Variants in ZZEF1 observed in about 807,000 individuals in gnomAD.
ZZEF1 encodes zinc finger ZZ-type and EF-hand domain containing 1, also known as zinc finger ZZ-type and EF-hand domain-containing protein 1.
A neutral mutation model predicts 342.8 loss-of-function variants in ZZEF1; 157 were observed. The ratio of observed to expected loss-of-function variants is 0.46; its 90% confidence interval spans 0.40 to 0.52. ZZEF1 has a LOEUF of 0.52. Ranked by LOEUF, ZZEF1 falls within the 20% of genes least tolerant of loss-of-function variation. ZZEF1 has a pLI of 0.00. For synonymous variants in ZZEF1, 1,505 were observed against 1,429.1 expected (o/e 1.05, Z -1.20); for missense variants, 3,480 against 3,725.6 (o/e 0.93, Z 1.72).
At chr17:4,052,578 A>T (rs1277050129) in intron 34 of ZZEF1, among the ~76,000 whole-genome samples, 2 of 152,224 alleles carry the variant, frequency 1.3e-5, no homozygotes, top group East Asian at 1.9e-4. Context: ...TTAAAAAATT[A>T]AAAAAGGGCC....
At chr17:4,092,648 C>G (rs1386334664) in intron 11 of ZZEF1, among the ~76,000 whole-genome samples, 1 of 152,078 alleles carries the variant, frequency 6.6e-6, no homozygotes, top group Admixed American at 6.6e-5. Flanking sequence ...TGGCATAAAC[C>G]TTTCATGACA....
chr17:4,011,662 T>C (rs149208504), intron 52 of ZZEF1, among the ~76,000 whole-genome samples: 2,436 of 152,218 alleles, frequency 0.016, 31 homozygotes, highest in Non-Finnish European at 0.023. Flanking sequence ...ACTTGTTATA[T>C]GGCCATATAT....
chr17:4,084,893 ACTT>A (rs758298073), intron 16 of ZZEF1, among the ~76,000 whole-genome samples: 1 of 152,148 alleles, frequency 6.6e-6, no homozygotes, highest in Non-Finnish European at 1.5e-5. Flanking sequence ...TGGGCCAATC[ACTT>A]GAGCCTTGGG....
chr17:4,064,542 C>T lies in ZZEF1; in HGVS notation c.4537G>A (p.Ala1513Thr), dbSNP rs764564516. ...GTGGAAGGTGACAAGGGCTCTTCAG[C>T]TGTGGCAGGGGACACGTCTGCAGCA... ...LPAADVSPAT[A>T]EEPLSPSTPT... Residue 1513 changes from alanine (A) to threonine (T), a missense_variant, in exon 29 of 55, where the codon GCT (alanine) becomes ACT (threonine). This residue lies in a region of ZZEF1 where 1,528 missense variants were observed against 1,624.1 expected (regional missense o/e 0.94). Transcript: ENST00000381638. The T allele has an allele frequency of 6.2e-7, 1 of 1,614,202 alleles. No individual in the cohort carries two copies. Among genetic ancestry groups the T allele is most frequent in the Non-Finnish European group, 8.5e-7 (1 of 1,180,044 alleles).
chr17:4,013,161 C>T (rs531407804), intron 52 of ZZEF1, among the ~76,000 whole-genome samples: 22 of 151,942 alleles, frequency 1.4e-4, no homozygotes, highest in Middle Eastern at 3.2e-3. Flanking sequence ...ATGCTTACCC[C>T]TTCTATCATA....
intron 8 of ZZEF1, among the ~76,000 whole-genome samples, chr17:4,103,264 G>C (rs1377896448): frequency 6.6e-6 from 1 of 152,172 alleles, no homozygotes; most frequent in Non-Finnish European, 1.5e-5. Context: ...TAAACAGGCT[G>C]GGCATCATGG....
intron 37 of ZZEF1, among the ~76,000 whole-genome samples, chr17:4,046,544 T>C (rs2056917358): frequency 6.6e-6 from 1 of 152,110 alleles, no homozygotes; most frequent in Non-Finnish European, 1.5e-5. Flanking sequence ...CTCCCAGGGG[T>C]ACCTAACTCA....
At chr17:4,112,916 G>T in intron 4 of ZZEF1, 108 bp from the exon 5 acceptor site, 2 of 1,003,848 alleles carry the variant, frequency 2.0e-6, no homozygotes, top group Non-Finnish European at 2.8e-6. Context: ...CCAAAGACTG[G>T]TTTTCCTAAC....
intron 2 of ZZEF1, among the ~76,000 whole-genome samples, chr17:4,123,378 G>A (rs1439906825): frequency 6.8e-6 from 1 of 146,114 alleles, no homozygotes; most frequent in African/African-American, 2.5e-5. Context: ...TGGGGGTGCT[G>A]GAACATCTCC....
chr17:4,141,258 A>G (rs1183775575), intron 1 of ZZEF1, among the ~76,000 whole-genome samples: 1 of 152,190 alleles, frequency 6.6e-6, no homozygotes, highest in Non-Finnish European at 1.5e-5. Flanking sequence ...CTTTTTTCAT[A>G]AGAAACACAC....
chr17:4,119,332 A>C (rs2058447290), intron 2 of ZZEF1, among the ~76,000 whole-genome samples: 1 of 152,186 alleles, frequency 6.6e-6, no homozygotes, highest in Admixed American at 6.5e-5. Flanking sequence ...TGCATCTTTC[A>C]AGTTCTTGAT....
At chr17:4,076,560 C>G in intron 21 of ZZEF1, 77 bp downstream of exon 21, 1 of 1,541,232 alleles carries the variant, frequency 6.5e-7, no homozygotes, top group Non-Finnish European at 8.8e-7. Flanking sequence ...ATCTGCAGTC[C>G]GTGGTCCACT....
At chr17:4,033,295 C>A (rs941683967) in intron 40 of ZZEF1, 4 of 306,972 alleles carry the variant, frequency 1.3e-5, no homozygotes, top group African/African-American at 6.3e-5. Context: ...TGTAGTGAGA[C>A]AGCACCAGAT....
rs2058882069 is a variant in ZZEF1 at position 4,142,631 on chromosome 17, C to A, written c.265G>T (p.Gly89Cys). The part of the protein sequence containing the change: ...ALFRWLEERL[G>C]RGEESVTLEQ... ...AGAGTGACAGACTCTTCGCCGCGGCCCAGCCGCTCTTCCAGCCAGCGAAAC... is the reference window on the plus strand; with the variant it reads ...AGAGTGACAGACTCTTCGCCGCGGCACAGCCGCTCTTCCAGCCAGCGAAAC... Residue 89 changes from glycine to cysteine, a missense_variant, in exon 1 of 55, where the codon GGC (glycine) becomes TGC (cysteine). By Grantham distance (159) the Gly-to-Cys change is radical (BLOSUM62 -3). Transcript: ENST00000381638. The A allele has an allele frequency of 1.2e-6, 2 of 1,606,542 alleles. No individual in the cohort carries two copies. Among genetic ancestry groups the A allele is most frequent in the South Asian group, 2.2e-5 (2 of 91,056 alleles).
Position 4,019,698 on chromosome 17 carries a change from G to T in ZZEF1, c.7476C>A (p.Thr2492=). ...RAIYELQMKK[T]DYFFLEVQKR... is the part of the protein sequence containing the mutation. ...TCTGAACCTCCAGGAAGAAATAATC[G>T]GTCTTTTTCATCTGCAGTTCGTATA... The change falls in exon 46 of 55, where the codon ACC becomes ACA. Residue 2492 remains threonine (T), a synonymous_variant. Transcript: ENST00000381638. The T allele has an allele frequency of 6.2e-7, 1 of 1,612,900 alleles. No individual in the cohort carries two copies. Among genetic ancestry groups the T allele is most frequent in the Non-Finnish European group, 8.5e-7 (1 of 1,179,730 alleles).
chr17:4,023,381 T>C (rs930913409), intron 43 of ZZEF1, among the ~76,000 whole-genome samples: 1 of 152,198 alleles, frequency 6.6e-6, no homozygotes, highest in Non-Finnish European at 1.5e-5. Flanking sequence ...CTCAGTTCCA[T>C]CTGGCCCTTG....
intron 41 of ZZEF1, 124 bp downstream of exon 41, chr17:4,032,704 A>T: frequency 1.0e-6 from 1 of 974,424 alleles, no homozygotes; most frequent in Non-Finnish European, 1.5e-6. Context: ...AGCAAGGTGT[A>T]CAGGCAAAGG....
rs1229485014 is a variant in ZZEF1, at chr17:4,032,910, G to C, written c.6677C>G (p.Thr2226Arg). ...PLWRDVIATFTDHCIKQLPFQ... is the reference protein window; with the variant it reads ...PLWRDVIATFRDHCIKQLPFQ... ...TGGCAGCTGCTTGATGCAGTGGTCT[G>C]TGAAGGTGGCAATGACATCACGCCA... The change falls in exon 41 of 55, where the codon ACA (threonine) becomes AGA (arginine). Residue 2226 changes from threonine to arginine, a missense_variant. Thr to Arg is a moderately conservative substitution (Grantham distance 71). This residue lies in a region of ZZEF1 where 1,269 missense variants were observed against 1,342.4 expected (regional missense o/e 0.95). Transcript: ENST00000381638. The C allele has an allele frequency of 1.2e-6, 2 of 1,613,972 alleles. No individual in the cohort carries two copies. The highest frequency in any genetic ancestry group is 2.2e-5 in the East Asian group (1 of 44,866).
chr17:4,057,969 G>A, intron 32 of ZZEF1, 25 bp downstream of exon 32: 1 of 1,606,506 alleles, frequency 6.2e-7, no homozygotes, highest in East Asian at 2.2e-5. Flanking sequence ...ATTAGGAACT[G>A]CAGAGCGCAG....
Sources: allele counts gnomAD v4.1 joint callset (sites outside exome capture counted in the v4.1 genomes callset), GRCh38; gene constraint gnomAD v4.1.1; regional missense constraint gnomAD v4.1.1; transcripts MANE v1.5; gene names NCBI Gene and HGNC (gene_info 2026-07-23, HGNC 2026-07-21).